PLCZ1: variants seen among roughly 807,000 people sequenced by gnomAD.
PLCZ1 encodes the protein phospholipase C zeta 1, also known as 1-phosphatidylinositol 4,5-bisphosphate phosphodiesterase zeta-1.
In PLCZ1, 64 loss-of-function variants were observed where a neutral mutation model predicts 76.8. The ratio of observed to expected loss-of-function variants is 0.83; its 90% CI spans 0.68 to 1.03. The LOEUF (loss-of-function observed/expected upper bound fraction) is 1.03, where lower values mean the gene tolerates loss of function less well. Ranked by LOEUF, PLCZ1 falls within the 50% of genes least tolerant of loss-of-function variation. The pLI is 0.00. For missense variants in PLCZ1, 751 were observed against 713.7 expected (o/e 1.05, Z -0.60); for synonymous variants, 248 against 230.8 (o/e 1.07, Z -0.68).
chr12:18,655,427 G>A, the PLCZ1 span, among the ~76,000 whole-genome samples: 1 of 152,152 alleles, frequency 6.6e-6, no homozygotes, highest in Non-Finnish European at 1.5e-5. Flanking sequence ...AATAAGTAGG[G>A]AGAAAGAAAC....
At chr12:18,654,768 T>C in the PLCZ1 span, among the ~76,000 whole-genome samples, 1 of 152,150 alleles carries the variant, frequency 6.6e-6, no homozygotes, top group African/African-American at 2.4e-5. Context: ...AGGATCAAGA[T>C]AATCAAGACT....
chr12:18,712,751 A>C, intron 6 of PLCZ1, 91 bp downstream of exon 6: 1 of 1,456,730 alleles, frequency 6.9e-7, no homozygotes, highest in African/African-American at 1.4e-5. Flanking sequence ...ATATCATCTA[A>C]AGTAAGGCTA....
the PLCZ1 span, among the ~76,000 whole-genome samples, chr12:18,673,316 G>A: frequency 6.6e-6 from 1 of 152,030 alleles, no homozygotes; most frequent in African/African-American, 2.4e-5. Flanking sequence ...TAGTATATAA[G>A]TTATTGAAAT....
intron 3 of PLCZ1, among the ~76,000 whole-genome samples, chr12:18,728,013 A>G (rs544546181): frequency 6.6e-6 from 1 of 152,256 alleles, no homozygotes; most frequent in East Asian, 1.9e-4. Flanking sequence ...ATAACTGAGA[A>G]TGGTGCCGAG....
At position 18,723,474 on chromosome 12, in the gene PLCZ1, C is replaced by T. The variant is rs201664245; in HGVS notation, c.204G>A (p.Thr68=). 74 of 1,612,842 alleles carry T rather than the reference C, an allele frequency of 4.6e-5. 1 individual carries two copies. In the African/African-American group the frequency reaches 8.4e-4, roughly 18 times the overall value. ...AAATCTCAATAATTTCTTCTCTGTG[C>T]GTGATAATTCGATAAATTGCTCTAA... ...EEFRAIYRII[T]HREEIIEIFN... The change falls in exon 4 of 15, where the codon ACG becomes ACA. Residue 68 remains threonine (T), a synonymous_variant. Coordinates refer to ENST00000266505, the MANE Select transcript of PLCZ1 (RefSeq NM_033123.4).
chr12:18,648,084 G>A, the PLCZ1 span: 42,490 of 1,096,360 alleles, frequency 0.039, 1,067 homozygotes, highest in African/African-American at 0.093. Flanking sequence ...TTTCACTTCT[G>A]GGCCTCTGAA....
chr12:18,705,017 C>G, intron 7 of PLCZ1, 149 bp downstream of exon 7: 1 of 899,164 alleles, frequency 1.1e-6, no homozygotes, highest in Non-Finnish European at 1.8e-6. Flanking sequence ...GAGAACATTC[C>G]CTAGGCAACA....
chr12:18,729,596 G>T (rs1958935514), intron 3 of PLCZ1, among the ~76,000 whole-genome samples: 2 of 151,916 alleles, frequency 1.3e-5, no homozygotes, highest in African/African-American at 4.8e-5. Flanking sequence ...AATTACAAAG[G>T]ATACTATTTC....
chr12:18,661,487 A>G, the PLCZ1 span, among the ~76,000 whole-genome samples: 1 of 152,152 alleles, frequency 6.6e-6, no homozygotes, highest in Non-Finnish European at 1.5e-5. Flanking sequence ...ACTGTCAACC[A>G]TGAATCCTGT....
rs367741834 is a variant in PLCZ1 at position 18,694,468 on chromosome 12, T to G, written c.1461+442A>C. Among the ~76,000 whole-genome samples, 131 of 152,156 alleles carry G rather than the reference T, an allele frequency of 8.6e-4. No homozygotes were observed. The South Asian group carries it at 9.1e-3, about 11-fold the overall frequency. On this transcript the variant is annotated intron_variant, in intron 12 of 14. Coordinates refer to ENST00000266505, the MANE Select transcript of PLCZ1 (RefSeq NM_033123.4). Reference sequence around the variant, plus strand: ...TAATCAAATGATATTCACAGACATATGGGGGGAAGAATCCTGACCTACAAA... The same window carrying G: ...TAATCAAATGATATTCACAGACATAGGGGGGGAAGAATCCTGACCTACAAA...
At chr12:18,716,651 C>A (rs1324337307) in intron 5 of PLCZ1, among the ~76,000 whole-genome samples, 1 of 152,156 alleles carries the variant, frequency 6.6e-6, no homozygotes, top group African/African-American at 2.4e-5. Flanking sequence ...AGTCTCCATG[C>A]CTTCTAGAAT....
chr12:18,677,420 C>T, the PLCZ1 span, among the ~76,000 whole-genome samples: 1 of 152,082 alleles, frequency 6.6e-6, no homozygotes, highest in Admixed American at 6.6e-5. Context: ...GTTCTCAAAT[C>T]TGAGCATGCA....
chr12:18,685,501 C>T (rs1185243420), intron 13 of PLCZ1: 6 of 226,882 alleles, frequency 2.6e-5, no homozygotes, highest in Non-Finnish European at 5.8e-5. Context: ...TTTCCAGAAG[C>T]ACTGATGAAT....
chr12:18,729,961 G>A (rs191085816), intron 3 of PLCZ1, among the ~76,000 whole-genome samples: 182 of 152,160 alleles, frequency 1.2e-3, no homozygotes, highest in Admixed American at 2.0e-3. Context: ...CTGATGCAGC[G>A]TCTACATATA....
intron 5 of PLCZ1, chr12:18,715,895 T>G (rs1213292467): frequency 6.6e-6 from 1 of 152,186 alleles, no homozygotes; most frequent in Non-Finnish European, 1.5e-5. Flanking sequence ...CTTCAGAGTT[T>G]TCTTAACTAA....
chr12:18,664,862 A>G, the PLCZ1 span, among the ~76,000 whole-genome samples: 1 of 151,726 alleles, frequency 6.6e-6, no homozygotes, highest in African/African-American at 2.4e-5. Context: ...TTGTAGGGAC[A>G]TGGATGAAAT....
chr12:18,665,943 A>T, the PLCZ1 span, among the ~76,000 whole-genome samples: 1 of 151,674 alleles, frequency 6.6e-6, no homozygotes, highest in Non-Finnish European at 1.5e-5. Context: ...TCAAAAAAAA[A>T]AAAAAACTAG....
intron 10 of PLCZ1, among the ~76,000 whole-genome samples, chr12:18,697,366 T>C (rs1000751848): frequency 8.9e-4 from 136 of 152,174 alleles, no homozygotes; most frequent in African/African-American, 3.3e-3. Context: ...TGTGTATAAA[T>C]ACAGCATAGG....
At chr12:18,675,674 A>G in the PLCZ1 span, among the ~76,000 whole-genome samples, 2 of 152,196 alleles carry the variant, frequency 1.3e-5, no homozygotes, top group Admixed American at 6.6e-5. Flanking sequence ...TATCTATACC[A>G]TGGAATACTA....
Sources: gnomAD v4.1 joint callset for allele counts (sites outside exome capture counted in the v4.1 genomes callset) on GRCh38, gnomAD v4.1.1 for gene constraint, MANE v1.5 for transcripts, NCBI Gene and HGNC (gene_info 2026-07-23, HGNC 2026-07-21) for gene names.